Variants in CPSF3 observed in about 807,000 individuals in gnomAD.
CPSF3 encodes cleavage and polyadenylation specific factor 3, also known as cleavage and polyadenylation specificity factor subunit 3.
Under a neutral mutation model 84.1 loss-of-function variants are expected in CPSF3, and 57 were observed. That is an observed-to-expected ratio of 0.68 (90% confidence interval 0.55 to 0.85). The LOEUF (loss-of-function observed/expected upper bound fraction) is 0.85, where lower values mean the gene tolerates loss of function less well. CPSF3 is among the 40% of genes least tolerant of loss of function. The probability of loss-of-function intolerance (pLI) is 0.00; values close to 1 mark genes in which losing one functional copy is unlikely to be tolerated. For synonymous variants in CPSF3, 275 were observed against 278.1 expected, an observed-to-expected ratio of 0.99 and a Z score of 0.11; for missense variants, 522 against 838.8, an observed-to-expected ratio of 0.62 and a Z score of 4.66.
At chr2:9,441,694 T>A in intron 8 of CPSF3, 124 bp from the exon 9 acceptor site, 1 of 960,948 alleles carries the variant, frequency 1.0e-6, no homozygotes, top group Non-Finnish European at 1.5e-6. Context: ...TGTTTACAGA[T>A]CTTGTGAAGG....
intron 11 of CPSF3, among the ~76,000 whole-genome samples, chr2:9,452,020 A>C (rs1681350192): frequency 6.6e-6 from 1 of 152,144 alleles, no homozygotes; most frequent in Admixed American, 6.5e-5. Context: ...CCGGCCATAA[A>C]TGAAACTTTT....
At chr2:9,427,996 ATTTT>A (rs1309022693) in intron 1 of CPSF3, among the ~76,000 whole-genome samples, 4 of 141,534 alleles carry the variant, frequency 2.8e-5, no homozygotes, top group Admixed American at 7.1e-5. Flanking sequence ...AAAAAAAAAA[ATTTT>A]TTTTTTTTTT....
chr2:9,455,665 C>T lies in CPSF3; in HGVS notation c.1511C>T (p.Thr504Ile). The T allele has an allele frequency of 6.2e-7, 1 of 1,612,284 alleles. No homozygotes were observed. The highest frequency in any genetic ancestry group is 8.5e-7 in the Non-Finnish European group (1 of 1,178,502). The change falls in exon 13 of 18, where the codon ACT becomes ATT. Residue 504 changes from threonine to isoleucine, a missense_variant. Physicochemically the swap from Thr to Ile is moderately conservative, Grantham distance 89 (BLOSUM62 -1). Transcript: ENST00000238112. ...CTTCTCATTTTCTCTTCAGATTATACTGACCTGGCCATGAGCACGGTGAAG... is the reference window on the plus strand; with the variant it reads ...CTTCTCATTTTCTCTTCAGATTATATTGACCTGGCCATGAGCACGGTGAAG... ...ILSPCDLSNY[T>I]DLAMSTVKQT... is the part of the protein sequence containing the mutation.
chr2:9,423,877 G>C, intron 1 of CPSF3, 54 bp downstream of exon 1: 3 of 1,600,580 alleles, frequency 1.9e-6, no homozygotes, highest in Middle Eastern at 1.7e-4. Context: ...GGGCGCGAGG[G>C]GTAACCGGAG....
At chr2:9,453,499 T>C (rs1413343925) in intron 12 of CPSF3, among the ~76,000 whole-genome samples, 1 of 152,254 alleles carries the variant, frequency 6.6e-6, no homozygotes, top group African/African-American at 2.4e-5. Context: ...AGCCTAATTT[T>C]TTCATTACAT....
In CPSF3 at chr2:9,423,743, C is replaced by T. The variant is rs377129954; in HGVS notation, c.-31C>T. The T allele has an allele frequency of 6.2e-7, 1 of 1,611,552 alleles. No homozygotes were observed. The highest frequency in any genetic ancestry group is 1.7e-5 in the Admixed American group (1 of 59,484). Reference sequence around the variant, plus strand: ...TTAGGAAGACCCCGGCGACCTGTTCCTCACCCCCGCTTCGCCCTCACACTT... The same window carrying T: ...TTAGGAAGACCCCGGCGACCTGTTCTTCACCCCCGCTTCGCCCTCACACTT... On this transcript the variant is annotated 5_prime_UTR_variant, in exon 1 of 18. Transcript: ENST00000238112.
intron 16 of CPSF3, among the ~76,000 whole-genome samples, chr2:9,468,671 G>C (rs943504441): frequency 2.2e-5 from 3 of 138,148 alleles, no homozygotes; most frequent in African/African-American, 5.5e-5. Flanking sequence ...CTGTCGCCCA[G>C]GCTGGAGTGC....
At chr2:9,445,865 G>A (rs568514620) in intron 10 of CPSF3, among the ~76,000 whole-genome samples, 1 of 152,240 alleles carries the variant, frequency 6.6e-6, no homozygotes, top group Non-Finnish European at 1.5e-5. Flanking sequence ...AATACTAGTA[G>A]TGTTGGTGGT....
chr2:9,469,930 T>C (rs1682105845), intron 16 of CPSF3, among the ~76,000 whole-genome samples: 1 of 152,238 alleles, frequency 6.6e-6, no homozygotes, highest in Non-Finnish European at 1.5e-5. Context: ...TATAATTTTT[T>C]TGGCTGGGTG....
chr2:9,447,293 A>G (rs1184247564), intron 10 of CPSF3, among the ~76,000 whole-genome samples: 1 of 151,662 alleles, frequency 6.6e-6, no homozygotes, highest in Admixed American at 6.6e-5. Flanking sequence ...CACCTTGGGC[A>G]ATATGTGAGA....
chr2:9,457,122 GAAA>G (rs1681559021), intron 14 of CPSF3, 95 bp downstream of exon 14: 1 of 628,394 alleles, frequency 1.6e-6, no homozygotes, highest in African/African-American at 1.9e-5. Context: ...TTCCCAATTA[GAAA>G]AAGAATATTG....
At chr2:9,433,515 A>G (rs1680671154) in intron 5 of CPSF3, among the ~76,000 whole-genome samples, 1 of 152,160 alleles carries the variant, frequency 6.6e-6, no homozygotes, top group Non-Finnish European at 1.5e-5. Context: ...CCCTCTTATG[A>G]TTTTATCTCC....
rs183756679 is a variant in CPSF3, at chr2:9,455,397, G to T, written c.1505-262G>T. 4.7e-4 allele frequency among the ~76,000 whole-genome samples: 71 copies of T among 152,226 alleles called. No individual in the cohort carries two copies. The East Asian group carries it at 0.01, about 22-fold the overall frequency. On this transcript the variant is annotated intron_variant, in intron 12 of 17. Coordinates refer to ENST00000238112, the MANE Select transcript of CPSF3 (RefSeq NM_016207.4). ...GATCCACCTGCCTCGGCTTCCCAAAGTGCTGGGATTACAGGCATGAGCCAC... is the reference window on the plus strand; with the variant it reads ...GATCCACCTGCCTCGGCTTCCCAAATTGCTGGGATTACAGGCATGAGCCAC...
chr2:9,438,778 G>A (rs1369285995), intron 7 of CPSF3, among the ~76,000 whole-genome samples: 1 of 152,046 alleles, frequency 6.6e-6, no homozygotes, highest in Non-Finnish European at 1.5e-5. Flanking sequence ...ATTTAACTGA[G>A]TATTTGATAT....
chr2:9,473,018 G>A lies in CPSF3; in HGVS notation c.*1G>A. The A allele has an allele frequency of 6.2e-7, 1 of 1,607,176 alleles. No individual in the cohort carries two copies. Among genetic ancestry groups the A allele is most frequent in the Non-Finnish European group, 8.5e-7 (1 of 1,174,220 alleles). On this transcript the variant is annotated 3_prime_UTR_variant, in exon 18 of 18. Coordinates refer to ENST00000238112, the MANE Select transcript of CPSF3 (RefSeq NM_016207.4). ...CGAGGCCCTGACGCCAGTTCACTGAGACTGTGCCTGTATATGAACTTTGAA... is the reference window on the plus strand; with the variant it reads ...CGAGGCCCTGACGCCAGTTCACTGAAACTGTGCCTGTATATGAACTTTGAA...
chr2:9,446,283 A>C (rs1681120803), intron 10 of CPSF3, among the ~76,000 whole-genome samples: 1 of 152,220 alleles, frequency 6.6e-6, no homozygotes, highest in African/African-American at 2.4e-5. Flanking sequence ...CATCTCTACT[A>C]AAAGTATAAA....
At chr2:9,456,099 A>T (rs967368499) in intron 13 of CPSF3, among the ~76,000 whole-genome samples, 8 of 152,118 alleles carry the variant, frequency 5.3e-5, no homozygotes, top group Non-Finnish European at 1.2e-4. Context: ...CCATACCTAA[A>T]ATTTTATCTG....
intron 16 of CPSF3, among the ~76,000 whole-genome samples, chr2:9,470,342 A>C (rs1682121306): frequency 6.6e-6 from 1 of 152,196 alleles, no homozygotes; most frequent in Non-Finnish European, 1.5e-5. Context: ...CCCACTCCCC[A>C]CTTCCCCCGC....
chr2:9,442,044 G>C, intron 9 of CPSF3, 68 bp downstream of exon 9: 1 of 1,525,314 alleles, frequency 6.6e-7, no homozygotes, highest in South Asian at 1.2e-5. Flanking sequence ...GGTCCTCACA[G>C]GTTTTTGCAC....
Sources: gnomAD v4.1 joint callset for allele counts (sites outside exome capture counted in the v4.1 genomes callset) on GRCh38, gnomAD v4.1.1 for gene constraint, MANE v1.5 for transcripts, NCBI Gene and HGNC (gene_info 2026-07-23, HGNC 2026-07-21) for gene names.